ATRX: variants seen among roughly 807,000 people sequenced by gnomAD.
ATRX encodes the protein ATRX chromatin remodeler.
ATRX carries 12 observed loss-of-function variants against 172.6 expected under a neutral mutation model. The observed-to-expected ratio is 0.07, with a 90% CI of 0.04 to 0.11. ATRX has a LOEUF of 0.11. ATRX is among the 10% of genes least tolerant of loss of function. The pLI, the probability that ATRX is intolerant of heterozygous loss-of-function variation, is 1.00. For missense variants in ATRX, 1,368 were observed against 1,767.4 expected (o/e 0.77, Z 4.05); for synonymous variants, 674 against 594.7 (o/e 1.13, Z -1.94).
intron 30 of ATRX, among the ~76,000 whole-genome samples, chrX:77,529,288 T>C (rs2063493932): frequency 9.0e-6 from 1 of 111,085 alleles, no homozygotes; most frequent in Admixed American, 9.6e-5. Context: ...AAATTTCAAA[T>C]TCAAGAAATG....
chrX:77,541,881 G>T (rs1422076247), intron 30 of ATRX, among the ~76,000 whole-genome samples: 1 of 111,463 alleles, frequency 9.0e-6, no homozygotes, highest in African/African-American at 3.3e-5. Flanking sequence ...GGCAAAAACT[G>T]AATGCATTCC....
At chrX:77,550,801 A>C (rs1390337868) in intron 30 of ATRX, among the ~76,000 whole-genome samples, 1 of 111,881 alleles carries the variant, frequency 8.9e-6, no homozygotes, top group Non-Finnish European at 1.9e-5. Flanking sequence ...AAAAATCACA[A>C]GCATTCCTAT....
intron 1 of ATRX, among the ~76,000 whole-genome samples, chrX:77,784,343 A>G (rs1939556557): frequency 8.9e-6 from 1 of 112,598 alleles, no homozygotes; most frequent in South Asian, 3.6e-4. Context: ...ATCTACAAAA[A>G]TCCAAGACTA....
At chrX:77,522,954 G>A (rs1320584637) in intron 31 of ATRX, among the ~76,000 whole-genome samples, 1 of 111,612 alleles carries the variant, frequency 9.0e-6, no homozygotes, top group Non-Finnish European at 1.9e-5. Context: ...AGAGGGTACT[G>A]ATGGGAGGTT....
At chrX:77,586,178 A>G (rs1557076989) in intron 27 of ATRX, among the ~76,000 whole-genome samples, 1 of 112,531 alleles carries the variant, frequency 8.9e-6, no homozygotes, top group East Asian at 2.8e-4. Flanking sequence ...TAAATGTTTG[A>G]GGTGATAGAT....
intron 1 of ATRX, among the ~76,000 whole-genome samples, chrX:77,746,263 A>T (rs941416826): frequency 3.6e-5 from 4 of 110,278 alleles, no homozygotes; most frequent in African/African-American, 9.9e-5. Flanking sequence ...ATCCATGTTT[A>T]AAAAAAAAGT....
At position 77,681,681 on chromosome X, in the gene ATRX, C is replaced by A. The variant is rs2071203336; in HGVS notation, c.3575G>T (p.Ser1192Ile). Reference sequence around the variant, plus strand: ...AATGTCAGCTTGCTTCCTTTTAGTGCTTGTTCTTAGGGAGTTTCTCTTTTT... The same window carrying A: ...AATGTCAGCTTGCTTCCTTTTAGTGATTGTTCTTAGGGAGTTTCTCTTTTT... Reference protein sequence around the residue: ...KEKKRNSLRTSTKRKQADITS... With the variant: ...KEKKRNSLRTITKRKQADITS... The change falls in exon 9 of 35, where the codon AGC (serine) becomes ATC (isoleucine). Residue 1192 changes from serine to isoleucine, a missense_variant. This residue lies in a region of ATRX where 843 missense variants were observed against 643.1 expected (regional missense o/e 1.31). Transcript: ENST00000373344. 1 of 1,209,010 alleles carries A rather than the reference C, an allele frequency of 8.3e-7. No individual in the cohort carries two copies. Among genetic ancestry groups the A allele is most frequent in the Non-Finnish European group, 1.1e-6 (1 of 894,742 alleles).
intron 30 of ATRX, among the ~76,000 whole-genome samples, chrX:77,557,232 ATG>A (rs782670955): frequency 6.3e-5 from 7 of 111,958 alleles, no homozygotes; most frequent in Admixed American, 2.8e-4. Context: ...GGCATAAAAT[ATG>A]TGTTTCAGAA....
chrX:77,659,275 A>G (rs1474119923), intron 12 of ATRX, among the ~76,000 whole-genome samples: 1 of 111,102 alleles, frequency 9.0e-6, no homozygotes, highest in Middle Eastern at 4.2e-3. Flanking sequence ...GAAAGCTGGG[A>G]GAATACCAAA....
intron 27 of ATRX, among the ~76,000 whole-genome samples, chrX:77,587,589 T>C (rs2066075821): frequency 8.9e-6 from 1 of 111,813 alleles, no homozygotes; most frequent in African/African-American, 3.2e-5. Context: ...TCACTCAACA[T>C]TGTACTTGAG....
chrX:77,767,414 G>A (rs1384089071), intron 1 of ATRX, among the ~76,000 whole-genome samples: 1 of 107,302 alleles, frequency 9.3e-6, no homozygotes, highest in African/African-American at 3.4e-5. Context: ...TTTTCTTTTT[G>A]AGACAGAGTC....
chrX:77,682,304 C>G lies in ATRX; in HGVS notation c.2952G>C (p.Gln984His), dbSNP rs1557138526. 8.3e-7 allele frequency: 1 copy of G among 1,199,850 alleles called. No homozygotes were observed. Among genetic ancestry groups the G allele is most frequent in the Non-Finnish European group, 1.1e-6 (1 of 892,133 alleles). ...SDETSEDDKK[Q>H]SKKGTEEKKK... ...TTTTTTCTTCAGTTCCCTTTTTGCT[C>G]TGCTTTTTATCATCTTCAGAAGTTT... The change falls in exon 9 of 35, where the codon CAG becomes CAC. Residue 984 changes from glutamine (Q) to histidine (H), a missense_variant. Coordinates refer to ENST00000373344, the MANE Select transcript of ATRX (RefSeq NM_000489.6).
intron 12 of ATRX, among the ~76,000 whole-genome samples, chrX:77,660,552 G>GC (rs1169311043): frequency 1.8e-5 from 2 of 108,227 alleles, no homozygotes; most frequent in Admixed American, 9.9e-5. Context: ...GGGCGACAAA[G>GC]CAAGACTCCG....
chrX:77,698,755 C>T (rs1347681814), intron 2 of ATRX, 126 bp from the exon 3 acceptor site: 10 of 533,434 alleles, frequency 1.9e-5, no homozygotes, highest in Non-Finnish European at 2.9e-5. Context: ...TAACATACTA[C>T]TCACATTAAA....
chrX:77,572,338 G>C (rs2065445478), intron 28 of ATRX, among the ~76,000 whole-genome samples: 1 of 111,072 alleles, frequency 9.0e-6, no homozygotes, highest in South Asian at 3.8e-4. Flanking sequence ...TGCTCAACAG[G>C]TAAGAATATA....
At chrX:77,614,766 G>GCACTGT (rs1810858192) in intron 22 of ATRX, among the ~76,000 whole-genome samples, 1 of 111,081 alleles carries the variant, frequency 9.0e-6, no homozygotes, top group Non-Finnish European at 1.9e-5. Flanking sequence ...AATATAAAAT[G>GCACTGT]CACTGTTGTT....
rs1429705365 is a variant in ATRX at position 77,599,159 on chromosome X, G to C, written c.5956+252C>G. On this transcript the variant is annotated intron_variant, in intron 25 of 34. Coordinates refer to ENST00000373344, the MANE Select transcript of ATRX (RefSeq NM_000489.6). ...CATGTAGTGAAAATAATAGAGTTTA[G>C]GTATATACAAGTAAATAAACATTAG... Among the ~76,000 whole-genome samples the C allele has an allele frequency of 2.7e-5, 3 of 111,583 alleles. No individual in the cohort carries two copies. The East Asian group carries it at 8.4e-4, about 31-fold the overall frequency.
At chrX:77,591,883 G>A (rs1490098535) in intron 26 of ATRX, among the ~76,000 whole-genome samples, 1 of 111,753 alleles carries the variant, frequency 8.9e-6, no homozygotes, top group Non-Finnish European at 1.9e-5. Flanking sequence ...CTGGAAAGAG[G>A]TTGATTTTAG....
chrX:77,526,739 TAC>T (rs1451754641), intron 30 of ATRX, among the ~76,000 whole-genome samples: 1 of 112,570 alleles, frequency 8.9e-6, no homozygotes, highest in Non-Finnish European at 1.9e-5. Context: ...CTGAAAATAA[TAC>T]CACGCACTAT....
Sources: allele counts gnomAD v4.1 joint callset (sites outside exome capture counted in the v4.1 genomes callset), GRCh38; gene constraint gnomAD v4.1.1; regional missense constraint gnomAD v4.1.1; transcripts MANE v1.5; gene names NCBI Gene and HGNC (gene_info 2026-07-23, HGNC 2026-07-21).